NKAIN3: variants seen among roughly 807,000 people sequenced by gnomAD.
NKAIN3 encodes the protein sodium/potassium transporting ATPase interacting 3, also known as sodium/potassium-transporting ATPase subunit beta-1-interacting protein 3.
NKAIN3 carries 25 observed loss-of-function variants against 30.2 expected under a neutral mutation model. The ratio of observed to expected loss-of-function variants is 0.83; its 90% CI spans 0.60 to 1.16. The LOEUF (loss-of-function observed/expected upper bound fraction) is 1.16. Among genes scored for constraint, NKAIN3 ranks in the 50% most tolerant of loss-of-function variants. NKAIN3 has a pLI of 0.00. For missense variants in NKAIN3, 225 were observed against 254.1 expected, an observed-to-expected ratio of 0.89 and a Z score of 0.78; for synonymous variants, 91 against 89.6, an observed-to-expected ratio of 1.02 and a Z score of -0.09.
At position 62,517,857 on chromosome 8, in the gene NKAIN3, T is replaced by C. The variant is rs1808041655; in HGVS notation, c.55-61682T>C. ...TCTCAATGTTTGCTTTTTAGAATTT[T>C]ACTAGAAAGGAGAATGATCCTGGAG... On this transcript the variant is annotated intron_variant, in intron 1 of 6. Transcript: ENST00000623646. Among the ~76,000 whole-genome samples, 4 of 152,148 alleles carry C rather than the reference T, an allele frequency of 2.6e-5. No homozygotes were observed. In the South Asian group the frequency reaches 8.3e-4, roughly 32 times the overall value.
intron 1 of NKAIN3, among the ~76,000 whole-genome samples, chr8:62,378,907 G>A (rs1178831058): frequency 2.6e-5 from 4 of 152,156 alleles, no homozygotes; most frequent in African/African-American, 9.7e-5. Flanking sequence ...ATCCTCCAGA[G>A]CCCAGAATGG....
In NKAIN3 at chr8:62,829,319, C is replaced by T. The variant is rs1269064935; in HGVS notation, c.471+82190C>T. ...CCAGAAACTCAGTTTTAACAAGCTT[C>T]CCACATGGTTCTTCTGCATCCTAAT... On this transcript the variant is annotated intron_variant, in intron 4 of 6. Transcript: ENST00000623646. Among the ~76,000 whole-genome samples, 4 of 152,232 alleles carry T rather than the reference C, an allele frequency of 2.6e-5. No homozygotes were observed. The East Asian group carries it at 5.8e-4, about 22-fold the overall frequency.
chr8:62,937,867 T>C (rs1822835769), intron 5 of NKAIN3, among the ~76,000 whole-genome samples: 1 of 151,976 alleles, frequency 6.6e-6, no homozygotes, highest in African/African-American at 2.4e-5. Flanking sequence ...GGGGGTGACA[T>C]AGTGAGAGTG....
chr8:62,442,446 A>G (rs962688874), intron 1 of NKAIN3, among the ~76,000 whole-genome samples: 7 of 151,992 alleles, frequency 4.6e-5, no homozygotes, highest in Non-Finnish European at 8.8e-5. Context: ...TTCAAATTCT[A>G]TAATATATTT....
At chr8:62,532,575 A>G (rs188502328) in intron 1 of NKAIN3, among the ~76,000 whole-genome samples, 2 of 152,340 alleles carry the variant, frequency 1.3e-5, no homozygotes, top group East Asian at 1.9e-4. Context: ...GTGATAATGC[A>G]TGGCTTCATA....
rs2130060877 is a variant in NKAIN3, at chr8:62,579,667, C to T, written c.183C>T (p.Tyr61=). 2 of 1,494,858 alleles carry T rather than the reference C, an allele frequency of 1.3e-6. No individual in the cohort carries two copies. Among genetic ancestry groups the T allele is most frequent in the East Asian group, 2.4e-5 (1 of 41,088 alleles). The allele number at this position is 1,494,858 out of a possible 1,614,324, so 92.6% of individuals were successfully genotyped here. ...LFGTIQYRPR[Y]IMVYTVWTAL... is the part of the protein sequence containing the mutation. Reference sequence around the variant, plus strand: ...GGACCATTCAGTACAGACCTCGATACATAATGGTGGTAAGTCTTATTTTTA... The same window carrying T: ...GGACCATTCAGTACAGACCTCGATATATAATGGTGGTAAGTCTTATTTTTA... The change falls in exon 2 of 7, where the codon TAC becomes TAT. Residue 61 remains tyrosine (Y), a synonymous_variant. Transcript: ENST00000623646.
chr8:62,568,370 A>T (rs1489089010), intron 1 of NKAIN3, among the ~76,000 whole-genome samples: 1 of 152,204 alleles, frequency 6.6e-6, no homozygotes, highest in Admixed American at 6.6e-5. Context: ...AATTGAAGTG[A>T]CAAATATTGT....
At chr8:62,259,941 T>C (rs1041253451) in intron 1 of NKAIN3, among the ~76,000 whole-genome samples, 3 of 152,162 alleles carry the variant, frequency 2.0e-5, no homozygotes. Flanking sequence ...AAGAATTAGA[T>C]AGCTTATTGT....
At chr8:62,302,182 G>A (rs948736913) in intron 1 of NKAIN3, among the ~76,000 whole-genome samples, 6 of 151,946 alleles carry the variant, frequency 3.9e-5, no homozygotes, top group African/African-American at 9.7e-5. Flanking sequence ...TTTCAGGTTC[G>A]GCAAATGGGT....
At chr8:62,473,580 T>C (rs920251332) in intron 1 of NKAIN3, 1 of 152,200 alleles carries the variant, frequency 6.6e-6, no homozygotes, top group Non-Finnish European at 1.5e-5. Flanking sequence ...TGGGAGCTTA[T>C]AAAGAATCTT....
chr8:62,457,158 G>A (rs553074260), intron 1 of NKAIN3, among the ~76,000 whole-genome samples: 1 of 152,156 alleles, frequency 6.6e-6, no homozygotes, highest in South Asian at 2.1e-4. Flanking sequence ...TGGCTGAATC[G>A]GGGATGTTTC....
Position 62,976,928 on chromosome 8 carries a change from T to C in NKAIN3, c.*11521T>C, listed in dbSNP as rs1301658999. 2.0e-5 allele frequency among the ~76,000 whole-genome samples: 3 copies of C among 152,252 alleles called. No individual in the cohort carries two copies. The highest frequency in any genetic ancestry group is 7.2e-5 in the African/African-American group (3 of 41,462). On this transcript the variant is annotated 3_prime_UTR_variant, in exon 7 of 7. Transcript: ENST00000623646. ...GCTTGTCTGTAAAGGATTTTATTTC[T>C]CCTTCACTTGTGAAGCTCAGTTTGG...
intron 1 of NKAIN3, among the ~76,000 whole-genome samples, chr8:62,367,490 T>A (rs1669594004): frequency 6.6e-6 from 1 of 152,158 alleles, no homozygotes; most frequent in African/African-American, 2.4e-5. Flanking sequence ...GATCAATAGA[T>A]GCAGAAAAAT....
chr8:62,883,457 G>GTTGTTGTTGTTT, intron 4 of NKAIN3, among the ~76,000 whole-genome samples: 4 of 70,226 alleles, frequency 5.7e-5, no homozygotes, highest in African/African-American at 1.4e-4. Context: ...AGTTTTATGG[G>GTTGTTGTTGTTT]TTTTTTTTTT....
At chr8:62,601,326 G>A (rs956537915) in intron 3 of NKAIN3, among the ~76,000 whole-genome samples, 2 of 152,058 alleles carry the variant, frequency 1.3e-5, no homozygotes, top group South Asian at 2.1e-4. Context: ...GTTTAAAGAG[G>A]AATGGAGGTA....
chr8:62,678,510 G>C (rs1243138932), intron 3 of NKAIN3, among the ~76,000 whole-genome samples: 1 of 151,906 alleles, frequency 6.6e-6, no homozygotes, highest in African/African-American at 2.4e-5. Context: ...CTATCGAATA[G>C]CTTCTTAGAT....
chr8:62,981,552 AAC>A lies in NKAIN3; in HGVS notation c.*16146_*16147del, dbSNP rs1278722914. 2 of 152,230 alleles carry A rather than the reference AAC, an allele frequency of 1.3e-5. No homozygotes were observed. Among genetic ancestry groups the A allele is most frequent in the Admixed American group, 6.5e-5 (1 of 15,278 alleles). 9.4% of individuals were successfully genotyped at this position (152,230 alleles called of 1,614,324 possible). ...AAGCTCTTTCTCATCCTGTGGTAGGAACTTAGGAGTGATAACTCACATTGAGA... is the reference window on the plus strand; with the variant it reads ...AAGCTCTTTCTCATCCTGTGGTAGGATTAGGAGTGATAACTCACATTGAGA... On this transcript the variant is annotated 3_prime_UTR_variant, in exon 7 of 7. Coordinates refer to ENST00000623646, the MANE Select transcript of NKAIN3 (RefSeq NM_001304533.3).
chr8:62,958,185 C>T (rs150492562), intron 6 of NKAIN3, among the ~76,000 whole-genome samples: 37 of 151,760 alleles, frequency 2.4e-4, no homozygotes, highest in Middle Eastern at 6.8e-3. Flanking sequence ...AGTGAGTGAA[C>T]GGATAGGAAG....
intron 1 of NKAIN3, among the ~76,000 whole-genome samples, chr8:62,412,827 G>A (rs1343110340): frequency 6.8e-6 from 1 of 147,236 alleles, no homozygotes; most frequent in Non-Finnish European, 1.5e-5. Flanking sequence ...TAGGAGAATC[G>A]CTTGAACCCA....
Sources: gnomAD v4.1 joint callset for allele counts (sites outside exome capture counted in the v4.1 genomes callset) on GRCh38, gnomAD v4.1.1 for gene constraint, MANE v1.5 for transcripts, NCBI Gene and HGNC (gene_info 2026-07-23, HGNC 2026-07-21) for gene names.